BRINP3: variants seen among roughly 807,000 people sequenced by gnomAD.
BRINP3 encodes the protein BMP/retinoic acid-inducible neural-specific protein 3.
BRINP3 carries 19 observed loss-of-function variants against 71.0 expected under a neutral mutation model. The ratio of observed to expected loss-of-function variants is 0.27; its 90% CI spans 0.19 to 0.39. The LOEUF (loss-of-function observed/expected upper bound fraction) is 0.39. BRINP3 is among the 10% of genes least tolerant of loss of function. The pLI, the probability that BRINP3 is intolerant of heterozygous loss-of-function variation, is 1.00. For missense variants in BRINP3, 959 were observed against 940.8 expected (o/e 1.02, Z -0.25); for synonymous variants, 380 against 337.7 (o/e 1.13, Z -1.37).
chr1:190,415,061 G>A (rs180831927), intron 2 of BRINP3, among the ~76,000 whole-genome samples: 72 of 152,256 alleles, frequency 4.7e-4, no homozygotes, highest in Middle Eastern at 3.4e-3. Context: ...AAATTGCAGA[G>A]AATTGGACCT....
At chr1:190,202,865 G>T (rs949039847) in intron 6 of BRINP3, among the ~76,000 whole-genome samples, 1 of 152,018 alleles carries the variant, frequency 6.6e-6, no homozygotes, top group African/African-American at 2.4e-5. Context: ...GCCCATTTCA[G>T]GTAAGTCTTT....
At chr1:190,355,782 T>C (rs1668688509) in intron 2 of BRINP3, among the ~76,000 whole-genome samples, 1 of 151,964 alleles carries the variant, frequency 6.6e-6, no homozygotes, top group African/African-American at 2.4e-5. Context: ...ATTTATTTGC[T>C]GCTCCTCCTG....
intron 2 of BRINP3, among the ~76,000 whole-genome samples, chr1:190,453,203 ATTTTTTTTTTTTTTTTTTT>A (rs1190785225): frequency 3.4e-4 from 14 of 40,914 alleles, no homozygotes; most frequent in South Asian, 3.1e-3. Flanking sequence ...AAACTTTAGT[ATTTTTTTTTTTTTTTTTTT>A]TTTTTTTTTT....
intron 6 of BRINP3, among the ~76,000 whole-genome samples, chr1:190,184,943 C>T (rs1475325662): frequency 2.6e-5 from 4 of 151,944 alleles, no homozygotes; most frequent in African/African-American, 9.7e-5. Context: ...TACCATATTC[C>T]ATACATAAAC....
chr1:190,109,258 A>T (rs1331694837), intron 7 of BRINP3, among the ~76,000 whole-genome samples: 1 of 152,168 alleles, frequency 6.6e-6, no homozygotes, highest in South Asian at 2.1e-4. Context: ...TTTTTCATAT[A>T]TTTACATATG....
chr1:190,408,019 C>CTTTTTTTTT lies in BRINP3; in HGVS notation c.236+46627_236+46635dup, dbSNP rs34343187. Among the ~76,000 whole-genome samples, 386 of 99,766 alleles carry CTTTTTTTTT rather than the reference C, an allele frequency of 3.9e-3. 2 individuals are homozygous for CTTTTTTTTT. The highest frequency in any genetic ancestry group is 5.7e-3 in the East Asian group (18 of 3,170). 65.5% of individuals were successfully genotyped at this position (99,766 alleles called of 152,430 possible). A position where few individuals can be genotyped will look rare whatever the true frequency, so the allele number is the denominator to read the frequency against. On this transcript the variant is annotated intron_variant, in intron 2 of 7. Transcript: ENST00000367462. Reference sequence around the variant, plus strand: ...GATGTACTTTCTTTTCTACATTTGTCTTTTTTTTTTTTTTTTTTTTGAGAT... The same window carrying CTTTTTTTTT: ...GATGTACTTTCTTTTCTACATTTGTCTTTTTTTTTTTTTTTTTTTTTTTTTTTTTGAGAT...
intron 6 of BRINP3, among the ~76,000 whole-genome samples, chr1:190,169,911 T>G (rs1651866931): frequency 6.6e-6 from 1 of 152,100 alleles, no homozygotes; most frequent in African/African-American, 2.4e-5. Flanking sequence ...TCCTAGGAGG[T>G]GGGTCCCATT....
intron 2 of BRINP3, among the ~76,000 whole-genome samples, chr1:190,394,468 A>C (rs1462291696): frequency 6.6e-6 from 1 of 151,578 alleles, no homozygotes; most frequent in Non-Finnish European, 1.5e-5. Flanking sequence ...ATGCCAAAAA[A>C]GGAAAACCTC....
intron 1 of BRINP3, among the ~76,000 whole-genome samples, chr1:190,468,788 G>A (rs1428873202): frequency 6.6e-6 from 1 of 150,970 alleles, no homozygotes; most frequent in Non-Finnish European, 1.5e-5. Context: ...AAGTGAGTTA[G>A]TTGCATAAAA....
intron 6 of BRINP3, among the ~76,000 whole-genome samples, chr1:190,200,750 T>C (rs1224733539): frequency 6.6e-6 from 1 of 152,076 alleles, no homozygotes; most frequent in Non-Finnish European, 1.5e-5. Flanking sequence ...GGATAGTGGA[T>C]GGTTTCATGA....
At chr1:190,449,080 A>G (rs1046898136) in intron 2 of BRINP3, among the ~76,000 whole-genome samples, 2 of 151,998 alleles carry the variant, frequency 1.3e-5, no homozygotes, top group Non-Finnish European at 1.5e-5. Flanking sequence ...ACTTAAACTT[A>G]ATAGTTCTCT....
chr1:190,106,036 AG>A (rs2102262382), intron 7 of BRINP3, among the ~76,000 whole-genome samples: 1 of 152,086 alleles, frequency 6.6e-6, no homozygotes, highest in East Asian at 1.9e-4. Flanking sequence ...TAAAATAAAA[AG>A]GTTTAAAAAG....
At chr1:190,397,853 A>T (rs1452199525) in intron 2 of BRINP3, among the ~76,000 whole-genome samples, 1 of 152,000 alleles carries the variant, frequency 6.6e-6, no homozygotes, top group Admixed American at 6.6e-5. Context: ...ATAATAAAAA[A>T]TAGTTGACAT....
chr1:190,375,225 T>C (rs907672438), intron 2 of BRINP3, among the ~76,000 whole-genome samples: 51 of 151,896 alleles, frequency 3.4e-4, no homozygotes, highest in African/African-American at 1.2e-3. Context: ...TTAACATATA[T>C]ATACACACAC....
At chr1:190,112,698 A>G (rs1020792190) in intron 7 of BRINP3, among the ~76,000 whole-genome samples, 2 of 152,092 alleles carry the variant, frequency 1.3e-5, no homozygotes, top group Non-Finnish European at 1.5e-5. Context: ...GGAATATTTT[A>G]TTCCTCATTT....
At chr1:190,326,380 T>G (rs1666579222) in intron 2 of BRINP3, among the ~76,000 whole-genome samples, 2 of 152,038 alleles carry the variant, frequency 1.3e-5, no homozygotes, top group Admixed American at 1.3e-4. Flanking sequence ...AAAAATATAT[T>G]TGAGGGAATA....
chr1:190,425,655 T>C (rs1673655981), intron 2 of BRINP3, among the ~76,000 whole-genome samples: 1 of 151,786 alleles, frequency 6.6e-6, no homozygotes, highest in Non-Finnish European at 1.5e-5. Flanking sequence ...ACTAGAAACA[T>C]GATCTGTAAG....
intron 6 of BRINP3, among the ~76,000 whole-genome samples, chr1:190,214,458 T>G (rs1227928752): frequency 6.6e-6 from 1 of 152,018 alleles, no homozygotes. Context: ...ACTGAATATC[T>G]TGTGATTTAG....
chr1:190,371,824 G>A (rs1669886764), intron 2 of BRINP3, among the ~76,000 whole-genome samples: 1 of 151,978 alleles, frequency 6.6e-6, no homozygotes, highest in South Asian at 2.1e-4. Context: ...GGCATAGGGG[G>A]CACAGCTCCT....
Sources: gnomAD v4.1 joint callset for allele counts (sites outside exome capture counted in the v4.1 genomes callset) on GRCh38, gnomAD v4.1.1 for gene constraint, MANE v1.5 for transcripts, NCBI Gene and HGNC (gene_info 2026-07-23, HGNC 2026-07-21) for gene names.